The following SYNE1 variants were observed in gnomAD, a reference collection of about 807,000 sequenced individuals.
The protein encoded by SYNE1 is nesprin-1.
In SYNE1, 616 loss-of-function variants were observed where a neutral mutation model predicts 1,111.0. That is an observed-to-expected ratio of 0.55 (90% CI 0.52 to 0.59). The LOEUF is 0.59. SYNE1 is among the 20% of genes least tolerant of loss of function. The pLI, the probability that SYNE1 is intolerant of heterozygous loss-of-function variation, is 0.00. For missense variants in SYNE1, 10,006 were observed against 10,417.0 expected, an observed-to-expected ratio of 0.96 and a Z score of 1.72; for synonymous variants, 3,855 against 3,825.8, an observed-to-expected ratio of 1.01 and a Z score of -0.28.
chr6:152,431,664 A>G (rs1342607916), intron 34 of SYNE1, among the ~76,000 whole-genome samples: 2 of 152,152 alleles, frequency 1.3e-5, no homozygotes, highest in African/African-American at 4.8e-5. Context: ...GATTATTTAA[A>G]TGGAAAATAC....
chr6:152,364,686 G>GAAGGAAGGAAGGA (rs1554548785), intron 63 of SYNE1, among the ~76,000 whole-genome samples, 161 bp downstream of exon 63: 4 of 108,012 alleles, frequency 3.7e-5, no homozygotes, highest in African/African-American at 1.5e-4. Context: ...AAGGAGGAAG[G>GAAGGAAGGAAGGA]AGGAAGGAAG....
At chr6:152,421,711 ATTTATTTT>A (rs1410969042) in intron 39 of SYNE1, among the ~76,000 whole-genome samples, 1 of 131,710 alleles carries the variant, frequency 7.6e-6, no homozygotes, top group East Asian at 2.7e-4. Context: ...TTATTTATTT[ATTTATTTT>A]TTGGAGATGG....
chr6:152,164,057 T>A, intron 131 of SYNE1, 106 bp downstream of exon 131: 1 of 1,497,384 alleles, frequency 6.7e-7, no homozygotes, highest in South Asian at 1.1e-5. Context: ...CCTAGCTCCC[T>A]GCTGACCTTC....
intron 75 of SYNE1, among the ~76,000 whole-genome samples, chr6:152,337,884 G>A (rs1195714818): frequency 3.3e-5 from 5 of 152,020 alleles, no homozygotes; most frequent in Admixed American, 6.6e-5. Flanking sequence ...ATGGTGGCTC[G>A]TGTCTGTAAT....
Position 152,318,153 on chromosome 6 carries a change from C to A in SYNE1, c.16500G>T (p.Lys5500Asn). The A allele has an allele frequency of 6.2e-7, 1 of 1,614,186 alleles. No homozygotes were observed. Among genetic ancestry groups the A allele is most frequent in the East Asian group, 2.2e-5 (1 of 44,882 alleles). ...GGTGAAGTTCAGTCAGTTTTCCTAT[C>A]TTCTTGGCCAGTGGCTTACCCAGTT... ...NGQLGKPLAK[K>N]IGKLTELHQQ... Residue 5500 changes from lysine (K) to asparagine (N), a missense_variant, in exon 86 of 146, where the codon AAG becomes AAT. By Grantham distance (94) the Lys-to-Asn change is moderately conservative (BLOSUM62 0). Coordinates refer to ENST00000367255, the MANE Select transcript of SYNE1 (RefSeq NM_182961.4).
intron 98 of SYNE1, among the ~76,000 whole-genome samples, chr6:152,273,013 A>G (rs2093324029): frequency 6.6e-6 from 1 of 152,236 alleles, no homozygotes; most frequent in Non-Finnish European, 1.5e-5. Context: ...AATTATTTTA[A>G]AAGATCTAGT....
chr6:152,385,308 T>C (rs1591630503), intron 55 of SYNE1, among the ~76,000 whole-genome samples: 1 of 152,246 alleles, frequency 6.6e-6, no homozygotes, highest in Non-Finnish European at 1.5e-5. Flanking sequence ...ACATCCAGAA[T>C]GACATTTTCA....
chr6:152,425,492 A>C lies in SYNE1; in HGVS notation c.5156T>G (p.Leu1719Trp). 2 of 1,614,184 alleles carry C rather than the reference A, an allele frequency of 1.2e-6. No individual in the cohort carries two copies. The highest frequency in any genetic ancestry group is 1.7e-6 in the Non-Finnish European group (2 of 1,180,030). The change falls in exon 39 of 146, where the codon TTG becomes TGG. Residue 1719 changes from leucine (L) to tryptophan (W), a missense_variant. Around this residue, in one of 7 missense-constraint regions of SYNE1, gnomAD observed 1,971 missense variants for 2,084.1 expected, o/e 0.95. Coordinates refer to ENST00000367255, the MANE Select transcript of SYNE1 (RefSeq NM_182961.4). ...QASFYSKLLQ[L>W]KESLFSVASK... is the part of the protein sequence containing the mutation. ...GGCTACTGAGAACAATGATTCCTTC[A>C]ATTGCAAAAGTTTGCTATAGAATGA...
chr6:152,347,256 C>T lies in SYNE1; in HGVS notation c.11902-21G>A, dbSNP rs2096653536. On this transcript the variant is annotated intron_variant, in intron 72 of 145. Transcript: ENST00000367255. ...ATTGCCTGCAAAAGTGAAACCAATA[C>T]AGAGTTTTCAGAATTCTACTTTTAA... 3 of 1,613,766 alleles carry T rather than the reference C, an allele frequency of 1.9e-6. No individual in the cohort carries two copies. In the Admixed American group the frequency reaches 5.0e-5, roughly 27 times the overall value.
chr6:152,487,284 G>A (rs2098946153), intron 12 of SYNE1, among the ~76,000 whole-genome samples: 2 of 152,152 alleles, frequency 1.3e-5, no homozygotes, highest in African/African-American at 4.8e-5. Context: ...CCACTTATAA[G>A]TGAGAACACG....
At chr6:152,544,834 A>G (rs1372659346) in intron 3 of SYNE1, among the ~76,000 whole-genome samples, 1 of 152,238 alleles carries the variant, frequency 6.6e-6, no homozygotes, top group African/African-American at 2.4e-5. Context: ...AAGCACAAAG[A>G]TCATAATAAA....
chr6:152,360,003 C>G (rs1266159814), intron 64 of SYNE1, among the ~76,000 whole-genome samples: 1 of 152,194 alleles, frequency 6.6e-6, no homozygotes, highest in Non-Finnish European at 1.5e-5. Context: ...CCCAGGCTGC[C>G]CTCCTCTTTC....
intron 105 of SYNE1, among the ~76,000 whole-genome samples, chr6:152,245,607 A>G (rs1264337036): frequency 6.6e-6 from 1 of 152,236 alleles, no homozygotes; most frequent in African/African-American, 2.4e-5. Flanking sequence ...AAACAATGCC[A>G]ACAATATGTT....
At chr6:152,302,314 G>A (rs940233714) in intron 91 of SYNE1, 1 of 578,090 alleles carries the variant, frequency 1.7e-6, no homozygotes. Context: ...AGAAATGAGG[G>A]GATGAGGCCG....
At chr6:152,531,867 G>T (rs930105445) in intron 4 of SYNE1, among the ~76,000 whole-genome samples, 1 of 152,126 alleles carries the variant, frequency 6.6e-6, no homozygotes, top group Admixed American at 6.5e-5. Context: ...TCCATTGTAT[G>T]GATATACCAC....
intron 95 of SYNE1, among the ~76,000 whole-genome samples, chr6:152,285,519 G>C (rs1382018136): frequency 2.0e-5 from 3 of 152,112 alleles, no homozygotes; most frequent in South Asian, 2.1e-4. Context: ...CACTCGTGTA[G>C]TCTCACTCTT....
Position 152,256,770 on chromosome 6 carries a change from A to T in SYNE1, c.18973-5T>A. The T allele has an allele frequency of 6.2e-7, 1 of 1,613,290 alleles. No homozygotes were observed. Among genetic ancestry groups the T allele is most frequent in the Non-Finnish European group, 8.5e-7 (1 of 1,179,458 alleles). The stretch of plus-strand genomic sequence containing the variant: ...TCGATTTGGCCTGCTATAAAGCTGT[A>T]GGCAAACAAAGGCAGCTTGTTGAAG... On this transcript the variant is annotated splice_region_variant and splice_polypyrimidine_tract_variant and intron_variant, in intron 101 of 145. Transcript: ENST00000367255.
In SYNE1 at chr6:152,176,459, C is replaced by A. The variant is rs894257787; in HGVS notation, c.23562G>T (p.Glu7854Asp). 3.7e-6 allele frequency: 6 copies of A among 1,612,600 alleles called. No homozygotes were observed. The highest frequency in any genetic ancestry group is 1.3e-5 in the African/African-American group (1 of 74,974). Reference protein sequence around the residue: ...AKASHESKASEIEYKLGKVND... With the variant: ...AKASHESKASDIEYKLGKVND... ...TGACCTTTCCCAGCTTGTATTCAAT[C>A]TCAGATGCTTTGCTTTCATGGCTGG... The change falls in exon 130 of 146, where the codon GAG becomes GAT. Residue 7854 changes from glutamate to aspartate, a missense_variant. By Grantham distance (45) the Glu-to-Asp change is conservative. This residue lies in a region of SYNE1 where 2,182 missense variants were observed against 2,287.8 expected (regional missense o/e 0.95). Coordinates refer to ENST00000367255, the MANE Select transcript of SYNE1 (RefSeq NM_182961.4).
chr6:152,225,756 C>G lies in SYNE1; in HGVS notation c.21316G>C (p.Glu7106Gln), dbSNP rs780698906. The G allele has an allele frequency of 1.9e-6, 3 of 1,613,994 alleles. No individual in the cohort carries two copies. The African/African-American group carries it at 4.0e-5, about 22-fold the overall frequency. The change falls in exon 116 of 146, where the codon GAG (glutamate) becomes CAG (glutamine). Residue 7106 changes from glutamate to glutamine, a missense_variant. Transcript: ENST00000367255. ...AAATTTGCCCAGGTTTGGCCGAGCTCTCGCAGTGTGCTCATGACAATGCTA... is the reference window on the plus strand; with the variant it reads ...AAATTTGCCCAGGTTTGGCCGAGCTGTCGCAGTGTGCTCATGACAATGCTA... ...VSSIVMSTLR[E>Q]LGQTWANLDH...
Sources: gnomAD v4.1 joint callset for allele counts (sites outside exome capture counted in the v4.1 genomes callset) on GRCh38, gnomAD v4.1.1 for gene constraint, gnomAD v4.1.1 regional missense constraint, MANE v1.5 for transcripts, NCBI Gene and HGNC (gene_info 2026-07-23, HGNC 2026-07-21) for gene names.